Variants in ZFP1 observed in about 807,000 individuals in gnomAD.
ZFP1 encodes the protein ZFP1 zinc finger protein.
Under a neutral mutation model 38.5 loss-of-function variants are expected in ZFP1, and 32 were observed. The ratio of observed to expected loss-of-function variants is 0.83; its 90% CI spans 0.63 to 1.12. The LOEUF is 1.12. Among genes scored for constraint, ZFP1 ranks in the 50% most tolerant of loss-of-function variants. ZFP1 has a pLI of 0.00. For synonymous variants in ZFP1, 245 were observed against 168.8 expected (o/e 1.45, Z -3.50); for missense variants, 616 against 480.8 (o/e 1.28, Z -2.63).
chr16:75,156,256 C>A (rs1010501440), intron 2 of ZFP1, among the ~76,000 whole-genome samples: 1 of 152,140 alleles, frequency 6.6e-6, no homozygotes, highest in Non-Finnish European at 1.5e-5. Flanking sequence ...GAGATCGAGA[C>A]CAGCCTGGCC....
intron 2 of ZFP1, among the ~76,000 whole-genome samples, chr16:75,165,177 T>A (rs895135967): frequency 6.6e-6 from 1 of 152,120 alleles, no homozygotes; most frequent in African/African-American, 2.4e-5. Flanking sequence ...GTTTTTGTGG[T>A]ATGATGGCCA....
At chr16:75,133,673 C>T in the ZFP1 span, among the ~76,000 whole-genome samples, 10 of 152,298 alleles carry the variant, frequency 6.6e-5, 1 homozygote, top group South Asian at 6.2e-4. Context: ...TATTCAGAGG[C>T]TTGATTGGAT....
chr16:75,129,397 T>C, the ZFP1 span, among the ~76,000 whole-genome samples: 1 of 152,174 alleles, frequency 6.6e-6, no homozygotes, highest in Non-Finnish European at 1.5e-5. Context: ...AAGGAAAATA[T>C]CTTGAGTCTT....
intron 2 of ZFP1, among the ~76,000 whole-genome samples, chr16:75,153,267 T>C: frequency 6.6e-6 from 1 of 152,192 alleles, no homozygotes; most frequent in Non-Finnish European, 1.5e-5. Context: ...ACTTTATCTG[T>C]GGTTGTTTCA....
At chr16:75,153,194 A>G (rs1308324685) in intron 2 of ZFP1, among the ~76,000 whole-genome samples, 1 of 152,202 alleles carries the variant, frequency 6.6e-6, no homozygotes. Flanking sequence ...AATTTTATGG[A>G]CCTTCATATA....
At chr16:75,122,016 G>T in the ZFP1 span, among the ~76,000 whole-genome samples, 1 of 145,900 alleles carries the variant, frequency 6.9e-6, no homozygotes, top group African/African-American at 2.8e-5. Context: ...AATGATCTTT[G>T]CTTGTGTAAG....
At chr16:75,158,562 G>T (rs1187615443) in intron 2 of ZFP1, among the ~76,000 whole-genome samples, 19 of 150,326 alleles carry the variant, frequency 1.3e-4, no homozygotes, top group Admixed American at 9.3e-4. Flanking sequence ...CAAAGGGCTG[G>T]GATTATAGGC....
chr16:75,134,541 G>A, the ZFP1 span, among the ~76,000 whole-genome samples: 1 of 151,794 alleles, frequency 6.6e-6, no homozygotes, highest in South Asian at 2.1e-4. Flanking sequence ...TGGATCACAA[G>A]GTCAGGAGAT....
chr16:75,161,003 A>G lies in ZFP1; in HGVS notation c.16-5767A>G, dbSNP rs561662434. ...TAGAGAGGACAAAAATACTCAAACC[A>G]TAGCATTGCCCCTAGATCCTAGTTG... On this transcript the variant is annotated intron_variant, in intron 2 of 3. Coordinates refer to ENST00000570010, the MANE Select transcript of ZFP1 (RefSeq NM_153688.4). 8.9e-4 allele frequency among the ~76,000 whole-genome samples: 135 copies of G among 152,252 alleles called. 1 individual carries two copies. Among genetic ancestry groups the G allele is most frequent in the South Asian group, 4.6e-3 (22 of 4,818 alleles).
intron 2 of ZFP1, among the ~76,000 whole-genome samples, chr16:75,153,903 T>G (rs2037338158): frequency 6.6e-6 from 1 of 152,214 alleles, no homozygotes; most frequent in Admixed American, 6.5e-5. Context: ...CTGTCTCATC[T>G]CCCTAGTCGT....
At chr16:75,134,170 G>A in the ZFP1 span, among the ~76,000 whole-genome samples, 132 of 152,144 alleles carry the variant, frequency 8.7e-4, 2 homozygotes, top group Non-Finnish European at 1.5e-3. Flanking sequence ...ATTAGATAGC[G>A]GTGATGGTTG....
chr16:75,137,553 T>A, the ZFP1 span, among the ~76,000 whole-genome samples: 1 of 48,452 alleles, frequency 2.1e-5, no homozygotes, highest in South Asian at 7.0e-4. Flanking sequence ...CTCCGCCTCC[T>A]GGGTTCACGC....
At chr16:75,120,603 G>A in the ZFP1 span, among the ~76,000 whole-genome samples, 1 of 147,848 alleles carries the variant, frequency 6.8e-6, no homozygotes, top group African/African-American at 2.5e-5. Flanking sequence ...TTTTTGTATT[G>A]TTTGTTTGTT....
chr16:75,156,760 G>A (rs1597050435), intron 2 of ZFP1, among the ~76,000 whole-genome samples: 1 of 152,198 alleles, frequency 6.6e-6, no homozygotes, highest in Non-Finnish European at 1.5e-5. Context: ...CCACTCAGGA[G>A]TAGATTAAAG....
intron 3 of ZFP1, among the ~76,000 whole-genome samples, chr16:75,167,885 T>TCAG (rs1249476357): frequency 6.6e-6 from 1 of 151,984 alleles, no homozygotes; most frequent in Non-Finnish European, 1.5e-5. Flanking sequence ...TCACCTGAGG[T>TCAG]CAGTTCAATA....
rs547931090 is a variant in ZFP1 at position 75,160,532 on chromosome 16, G to T, written c.16-6238G>T. On this transcript the variant is annotated intron_variant, in intron 2 of 3. Coordinates refer to ENST00000570010, the MANE Select transcript of ZFP1 (RefSeq NM_153688.4). ...AAATTAGCCAAGTGTGGTGGCACTT[G>T]TCTGTAACCCCAGCTACTTAGGTGG... Among the ~76,000 whole-genome samples the T allele has an allele frequency of 2.0e-5, 3 of 151,934 alleles. No individual in the cohort carries two copies. In the South Asian group the frequency reaches 6.2e-4, roughly 32 times the overall value.
At chr16:75,166,917 C>T in intron 3 of ZFP1, 21 bp downstream of exon 3, 5 of 1,610,282 alleles carry the variant, frequency 3.1e-6, no homozygotes, top group South Asian at 2.2e-5. Context: ...TTTTCAGGTA[C>T]AGCTCACCAT....
intron 1 of ZFP1, among the ~76,000 whole-genome samples, chr16:75,150,344 G>A (rs1174977383): frequency 1.3e-5 from 2 of 149,638 alleles, no homozygotes; most frequent in Non-Finnish European, 3.0e-5. Context: ...GAGTAGCTGG[G>A]ACTACAGGCG....
At chr16:75,157,272 T>A (rs1404622832) in intron 2 of ZFP1, 1 of 128,282 alleles carries the variant, frequency 7.8e-6, no homozygotes, top group East Asian at 2.4e-4. Flanking sequence ...TTTGAGACAG[T>A]CTCACTCTGT....
Sources: gnomAD v4.1 joint callset for allele counts (sites outside exome capture counted in the v4.1 genomes callset) on GRCh38, gnomAD v4.1.1 for gene constraint, MANE v1.5 for transcripts, NCBI Gene and HGNC (gene_info 2026-07-23, HGNC 2026-07-21) for gene names.